The following FUT8 variants were observed in gnomAD, a reference collection of about 807,000 sequenced individuals.
FUT8 encodes the protein fucosyltransferase 8, also known as alpha-(1,6)-fucosyltransferase.
A neutral mutation model predicts 71.3 loss-of-function variants in FUT8; 29 were observed. The observed-to-expected ratio is 0.41, with a 90% CI of 0.30 to 0.55. The LOEUF (loss-of-function observed/expected upper bound fraction) is 0.55. FUT8 is among the 20% of genes least tolerant of loss of function. The pLI is 0.34. For missense variants in FUT8, 544 were observed against 702.1 expected (o/e 0.77, Z 2.55); for synonymous variants, 254 against 239.3 (o/e 1.06, Z -0.57).
At chr14:65,527,758 C>CCT (rs879900156) in intron 2 of FUT8, among the ~76,000 whole-genome samples, 2,050 of 152,276 alleles carry the variant, frequency 0.013, 39 homozygotes, top group East Asian at 0.091. Context: ...TGTTAGTTTT[C>CCT]TAACTAACAG....
At chr14:65,563,615 C>A (rs1313971850) in intron 3 of FUT8, among the ~76,000 whole-genome samples, 2 of 151,904 alleles carry the variant, frequency 1.3e-5, no homozygotes, top group African/African-American at 4.8e-5. Flanking sequence ...GTAATCAAAT[C>A]TCCTTCTATA....
At chr14:65,543,278 C>G (rs1884788183) in intron 2 of FUT8, among the ~76,000 whole-genome samples, 1 of 152,108 alleles carries the variant, frequency 6.6e-6, no homozygotes, top group Non-Finnish European at 1.5e-5. Context: ...ATGAAAATGA[C>G]TTTGAATCTT....
At chr14:65,642,825 A>C (rs1890904193) in intron 6 of FUT8, among the ~76,000 whole-genome samples, 2 of 152,186 alleles carry the variant, frequency 1.3e-5, no homozygotes, top group African/African-American at 4.8e-5. Context: ...GCACATAGAA[A>C]TACAATTGAT....
intron 4 of FUT8, 25 bp from the exon 5 acceptor site, chr14:65,616,186 A>T (rs942800974): frequency 1.3e-6 from 2 of 1,599,410 alleles, no homozygotes; most frequent in African/African-American, 2.7e-5. Flanking sequence ...TGGAAATGCT[A>T]CAACTCTCTA....
intron 1 of FUT8, among the ~76,000 whole-genome samples, chr14:65,432,895 C>G (rs778205548): frequency 4.6e-5 from 7 of 152,122 alleles, no homozygotes; most frequent in Non-Finnish European, 1.0e-4. Flanking sequence ...CAACAGCCCC[C>G]GAGACTGCTC....
chr14:65,626,496 T>C (rs1020608073), intron 5 of FUT8, among the ~76,000 whole-genome samples: 1 of 152,184 alleles, frequency 6.6e-6, no homozygotes, highest in African/African-American at 2.4e-5. Flanking sequence ...TATTTGTTAG[T>C]GTAGTAATTA....
intron 6 of FUT8, among the ~76,000 whole-genome samples, chr14:65,656,404 T>C (rs1355528142): frequency 6.6e-6 from 1 of 151,776 alleles, no homozygotes; most frequent in East Asian, 1.9e-4. Flanking sequence ...ACAAATAAAA[T>C]TAAGTAACAA....
intron 6 of FUT8, among the ~76,000 whole-genome samples, chr14:65,650,072 G>A (rs60708728): frequency 0.14 from 20,729 of 151,854 alleles, 1,894 homozygotes; most frequent in South Asian, 0.28. Flanking sequence ...CAAGGCGGGC[G>A]GATCACGAGG....
chr14:65,703,604 A>G (rs988081699), intron 7 of FUT8, among the ~76,000 whole-genome samples: 3 of 152,256 alleles, frequency 2.0e-5, no homozygotes, highest in South Asian at 2.1e-4. Context: ...GGTTTGGCAC[A>G]TAAGACCATA....
chr14:65,509,547 A>T (rs1882197118), intron 2 of FUT8, among the ~76,000 whole-genome samples: 1 of 152,154 alleles, frequency 6.6e-6, no homozygotes, highest in Non-Finnish European at 1.5e-5. Context: ...CTTCCAACCC[A>T]TAAACATGGA....
rs1441455603 is a variant in FUT8 at position 65,581,977 on chromosome 14, TTGTC to T, written c.203+20215_203+20218del. 5.9e-5 allele frequency among the ~76,000 whole-genome samples: 9 copies of T among 152,202 alleles called. 1 individual carries two copies. The South Asian group carries it at 6.2e-4, about 10-fold the overall frequency. On this transcript the variant is annotated intron_variant, in intron 3 of 10. Coordinates refer to ENST00000673929, the MANE Select transcript of FUT8 (RefSeq NM_001371533.1). ...TTAGGCTTGGCAGGATACAACTACTTTGTCTGTTACATCTGGATGAGACCATTAG... is the reference window on the plus strand; with the variant it reads ...TTAGGCTTGGCAGGATACAACTACTTTGTTACATCTGGATGAGACCATTAG...
chr14:65,687,684 C>G (rs1272629980), intron 7 of FUT8, among the ~76,000 whole-genome samples: 1 of 151,898 alleles, frequency 6.6e-6, no homozygotes, highest in East Asian at 1.9e-4. Context: ...AAGAGTTCCC[C>G]TATATACCCC....
chr14:65,652,509 A>T lies in FUT8; in HGVS notation c.598-16734A>T, dbSNP rs1183994728. Among the ~76,000 whole-genome samples, 2 of 152,246 alleles carry T rather than the reference A, an allele frequency of 1.3e-5. No individual in the cohort carries two copies. Among genetic ancestry groups the T allele is most frequent in the Non-Finnish European group, 2.9e-5 (2 of 68,040 alleles). On this transcript the variant is annotated intron_variant, in intron 6 of 10. Transcript: ENST00000673929. The surrounding 1 kb of genome is among the most constrained non-coding windows in gnomAD (Gnocchi z 4.0). The stretch of plus-strand genomic sequence containing the variant: ...GAGCTGTTACAACCATCTTGTGACC[A>T]TGAGGCATTCAGATAAAAAGCTAAC...
At chr14:65,384,105 G>A in the FUT8 span, among the ~76,000 whole-genome samples, 1 of 150,970 alleles carries the variant, frequency 6.6e-6, no homozygotes, top group Non-Finnish European at 1.5e-5. This position sits in a 1 kb window ranked among gnomAD's most constrained non-coding sequence, Gnocchi z 4.2. Context: ...TCAACCAGAA[G>A]CCAATGAACC....
At chr14:65,536,145 A>G (rs180815567) in intron 2 of FUT8, among the ~76,000 whole-genome samples, 97 of 152,066 alleles carry the variant, frequency 6.4e-4, no homozygotes, top group African/African-American at 2.2e-3. Context: ...TACGGGTGTC[A>G]TTGCACGTGA....
chr14:65,391,018 G>A, the FUT8 span, among the ~76,000 whole-genome samples: 4 of 151,750 alleles, frequency 2.6e-5, no homozygotes, highest in South Asian at 2.1e-4. Flanking sequence ...GAGCCACTGC[G>A]CCCGGCCTAA....
intron 9 of FUT8, among the ~76,000 whole-genome samples, chr14:65,732,968 G>A (rs776487064): frequency 2.4e-4 from 37 of 152,266 alleles, no homozygotes; most frequent in Non-Finnish European, 4.3e-4. Context: ...TCAATTTTCA[G>A]CTATTTCATG....
At chr14:65,370,201 CTTTTTTTTTTTTT>C in the FUT8 span, among the ~76,000 whole-genome samples, 3 of 58,462 alleles carry the variant, frequency 5.1e-5, no homozygotes, top group African/African-American at 1.3e-4. Context: ...CACACATAGT[CTTTTTTTTTTTTT>C]TTTTTTTTTT....
At chr14:65,418,002 A>C (rs2065242649) in intron 1 of FUT8, among the ~76,000 whole-genome samples, 1 of 152,236 alleles carries the variant, frequency 6.6e-6, no homozygotes, top group Non-Finnish European at 1.5e-5. Context: ...CACATTATAA[A>C]ATAATAAAAC....
Sources: allele counts gnomAD v4.1 joint callset (sites outside exome capture counted in the v4.1 genomes callset), GRCh38; gene constraint gnomAD v4.1.1; non-coding constraint Gnocchi (gnomAD v3.1); transcripts MANE v1.5; gene names NCBI Gene and HGNC (gene_info 2026-07-23, HGNC 2026-07-21).